SHISA9: variants seen among roughly 807,000 people sequenced by gnomAD.
SHISA9 encodes protein shisa-9.
Under a neutral mutation model 38.0 loss-of-function variants are expected in SHISA9, and 13 were observed. The ratio of observed to expected loss-of-function variants is 0.34; its 90% CI spans 0.22 to 0.54. The LOEUF (loss-of-function observed/expected upper bound fraction) is 0.54. SHISA9 is among the 20% of genes least tolerant of loss of function. The pLI, the probability that SHISA9 is intolerant of heterozygous loss-of-function variation, is 0.91. For missense variants in SHISA9, 538 were observed against 575.8 expected (o/e 0.93, Z 0.67); for synonymous variants, 275 against 242.0 (o/e 1.14, Z -1.27).
chr16:13,274,159 T>C, the SHISA9 span, among the ~76,000 whole-genome samples: 4 of 152,156 alleles, frequency 2.6e-5, no homozygotes, highest in African/African-American at 4.8e-5. Context: ...CATAAAAATA[T>C]GTGTTTCTGT....
chr16:13,473,561 C>A, the SHISA9 span, among the ~76,000 whole-genome samples: 3 of 151,898 alleles, frequency 2.0e-5, no homozygotes, highest in Non-Finnish European at 4.4e-5. Context: ...TCCCAGAGTC[C>A]CTGAAATACC....
the SHISA9 span, among the ~76,000 whole-genome samples, chr16:13,396,476 C>A: frequency 1.0e-3 from 153 of 152,280 alleles, 1 homozygote; most frequent in African/African-American, 3.3e-3. Flanking sequence ...CATGGTGAGA[C>A]AGTGTCCTCC....
chr16:13,215,507 G>A (rs747267647), intron 4 of SHISA9, among the ~76,000 whole-genome samples: 12 of 152,198 alleles, frequency 7.9e-5, no homozygotes, highest in African/African-American at 1.4e-4. Context: ...CCTAATTTGA[G>A]GCATTAACTT....
At chr16:13,480,784 C>T in the SHISA9 span, among the ~76,000 whole-genome samples, 1 of 152,080 alleles carries the variant, frequency 6.6e-6, no homozygotes, top group African/African-American at 2.4e-5. Flanking sequence ...ACCAGTGATC[C>T]CTTTGCTAGA....
chr16:13,222,478 A>T (rs1371138237), intron 4 of SHISA9, among the ~76,000 whole-genome samples: 2 of 152,184 alleles, frequency 1.3e-5, no homozygotes, highest in African/African-American at 2.4e-5. Flanking sequence ...TTCTTTTTTT[A>T]AAGCAAGTCA....
At chr16:13,228,575 A>C (rs565850094) in intron 4 of SHISA9, among the ~76,000 whole-genome samples, 2 of 152,330 alleles carry the variant, frequency 1.3e-5, no homozygotes, top group Non-Finnish European at 2.9e-5. Flanking sequence ...CTGGATCATT[A>C]TAAGACATTT....
At chr16:13,466,905 G>A in the SHISA9 span, among the ~76,000 whole-genome samples, 2 of 152,164 alleles carry the variant, frequency 1.3e-5, no homozygotes, top group African/African-American at 4.8e-5. Context: ...AAATGTAAAT[G>A]TCACTCAAGA....
At chr16:13,109,729 G>A (rs969892824) in intron 2 of SHISA9, among the ~76,000 whole-genome samples, 1 of 152,108 alleles carries the variant, frequency 6.6e-6, no homozygotes, top group Non-Finnish European at 1.5e-5. Flanking sequence ...CTAGAGATGT[G>A]TCTTTTCTGG....
At chr16:13,049,383 T>C (rs2141897061) in intron 2 of SHISA9, among the ~76,000 whole-genome samples, 1 of 152,270 alleles carries the variant, frequency 6.6e-6, no homozygotes, top group Non-Finnish European at 1.5e-5. Flanking sequence ...GTCTATCAGG[T>C]GCCTAGCCCT....
intron 1 of SHISA9, among the ~76,000 whole-genome samples, chr16:12,908,129 A>ATGGCTACTGCTCAG (rs1555499430): frequency 5.9e-4 from 90 of 152,132 alleles, no homozygotes; most frequent in Middle Eastern, 3.4e-3. Flanking sequence ...AGGACCTGTC[A>ATGGCTACTGCTCAG]CAACTATTAC....
the SHISA9 span, among the ~76,000 whole-genome samples, chr16:13,247,710 T>C: frequency 1.3e-5 from 2 of 152,232 alleles, no homozygotes; most frequent in African/African-American, 4.8e-5. Flanking sequence ...AAAGAAAGCA[T>C]TTCCCATCAA....
intron 2 of SHISA9, among the ~76,000 whole-genome samples, chr16:12,998,370 A>C (rs78186928): frequency 0.021 from 3,262 of 152,270 alleles, 34 homozygotes; most frequent in Middle Eastern, 0.031. Context: ...TGGCTGGTAA[A>C]CAGCTTTTCC....
chr16:13,108,372 C>A (rs1235699902), intron 2 of SHISA9, among the ~76,000 whole-genome samples: 2 of 152,154 alleles, frequency 1.3e-5, no homozygotes, highest in East Asian at 3.9e-4. Context: ...TCAAGCAATC[C>A]TCCTGCCTTG....
Position 13,202,248 on chromosome 16 carries a change from C to T in SHISA9, c.692-1146C>T, listed in dbSNP as rs892585355. Among the ~76,000 whole-genome samples the T allele has an allele frequency of 2.3e-5, 3 of 130,092 alleles. 1 individual carries two copies. Among genetic ancestry groups the T allele is most frequent in the Admixed American group, 7.6e-5 (1 of 13,102 alleles). The allele number at this position is 130,092 out of a possible 152,430, so 85.3% of individuals were successfully genotyped here. The stretch of plus-strand genomic sequence containing the variant: ...CCAGAGCTCAGAGGGCAATTCCTTC[C>T]GTTGCTGAGCATGTTGGGTTCCATC... On this transcript the variant is annotated intron_variant, in intron 2 of 4. Transcript: ENST00000558583.
intron 4 of SHISA9, among the ~76,000 whole-genome samples, chr16:13,224,625 T>A (rs2051261338): frequency 6.6e-6 from 1 of 152,196 alleles, no homozygotes; most frequent in Non-Finnish European, 1.5e-5. Context: ...AGACACAACC[T>A]CTGCCCTAAG....
At chr16:12,970,231 G>C (rs976566877) in intron 2 of SHISA9, among the ~76,000 whole-genome samples, 1 of 145,822 alleles carries the variant, frequency 6.9e-6, no homozygotes, top group African/African-American at 2.5e-5. Flanking sequence ...TTACATGGAT[G>C]TATTGTGTAG....
rs146126546 is a variant in SHISA9, at chr16:13,011,053, T to C, written c.691+94238T>C. On this transcript the variant is annotated intron_variant, in intron 2 of 4. Transcript: ENST00000558583. ...CTAATATCTTCCACAAATATTTTTA[T>C]TGAGCACCTAATACGGGCAGCAGTG... Among the ~76,000 whole-genome samples the C allele has an allele frequency of 6.6e-3, 1,002 of 152,330 alleles. 7 individuals are homozygous for C. The highest frequency in any genetic ancestry group is 0.02 in the Middle Eastern group (6 of 294).
chr16:13,466,242 C>T, the SHISA9 span, among the ~76,000 whole-genome samples: 1 of 152,208 alleles, frequency 6.6e-6, no homozygotes, highest in Admixed American at 6.5e-5. Context: ...GGCTTCTATG[C>T]TTCTGAGTCA....
chr16:13,206,264 ACT>A (rs1361964595), intron 3 of SHISA9, among the ~76,000 whole-genome samples: 2 of 151,900 alleles, frequency 1.3e-5, no homozygotes, highest in Non-Finnish European at 2.9e-5. Context: ...TTCCCGAAAA[ACT>A]CTGGGCAGGC....
Sources: allele counts gnomAD v4.1 joint callset (sites outside exome capture counted in the v4.1 genomes callset), GRCh38; gene constraint gnomAD v4.1.1; transcripts MANE v1.5; gene names NCBI Gene and HGNC (gene_info 2026-07-23, HGNC 2026-07-21).